The following ACCSL variants were observed in gnomAD, a reference collection of about 807,000 sequenced individuals.
ACCSL encodes probable inactive 1-aminocyclopropane-1-carboxylate synthase-like protein 2.
ACCSL carries 55 observed loss-of-function variants against 61.7 expected under a neutral mutation model. That is an observed-to-expected ratio of 0.89 (90% CI 0.72 to 1.12). The LOEUF is 1.12. ACCSL is among the 50% of genes most tolerant of loss of function. The pLI is 0.00. For missense variants in ACCSL, 632 were observed against 698.0 expected (o/e 0.91, Z 1.07); for synonymous variants, 258 against 264.3 (o/e 0.98, Z 0.23).
the ACCSL span, among the ~76,000 whole-genome samples, chr11:43,930,987 G>A: frequency 6.6e-6 from 1 of 152,180 alleles, no homozygotes; most frequent in African/African-American, 2.4e-5. Context: ...GCCACACTCC[G>A]TGGTCTGAAA....
the ACCSL span, among the ~76,000 whole-genome samples, chr11:44,039,905 C>T: frequency 4.6e-5 from 7 of 152,234 alleles, no homozygotes; most frequent in East Asian, 3.9e-4. Context: ...TAGTCATGGG[C>T]GGTTCCACCT....
At chr11:43,936,434 C>T in the ACCSL span, among the ~76,000 whole-genome samples, 1 of 152,146 alleles carries the variant, frequency 6.6e-6, no homozygotes, top group Non-Finnish European at 1.5e-5. Flanking sequence ...ATGCCGGGTA[C>T]TGTGCTAGGC....
chr11:43,993,665 GAAC>G, the ACCSL span, among the ~76,000 whole-genome samples: 8,031 of 152,174 alleles, frequency 0.053, 447 homozygotes, highest in East Asian at 0.32. Context: ...CACTCAGCCA[GAAC>G]AACGAGCATC....
At chr11:43,957,908 C>T in the ACCSL span, among the ~76,000 whole-genome samples, 6 of 152,126 alleles carry the variant, frequency 3.9e-5, no homozygotes, top group East Asian at 1.9e-4. Context: ...CTTGGTCAAG[C>T]GGGGGGTCCA....
intron 11 of ACCSL, among the ~76,000 whole-genome samples, chr11:44,057,475 C>T (rs192550874): frequency 2.6e-5 from 4 of 152,180 alleles, no homozygotes; most frequent in East Asian, 1.9e-4. Flanking sequence ...CTTGGATGGA[C>T]GTGGGAGTTT....
At chr11:43,991,288 T>C in the ACCSL span, among the ~76,000 whole-genome samples, 3 of 152,196 alleles carry the variant, frequency 2.0e-5, no homozygotes, top group Non-Finnish European at 4.4e-5. Flanking sequence ...AACTTCCTAA[T>C]CTCTTGCAGC....
chr11:44,008,774 ACTGC>A, the ACCSL span, among the ~76,000 whole-genome samples: 4 of 152,264 alleles, frequency 2.6e-5, no homozygotes, highest in Admixed American at 6.5e-5. Context: ...AGGGCCAGGC[ACTGC>A]CTGAGCACAT....
At chr11:43,962,824 G>A in the ACCSL span, among the ~76,000 whole-genome samples, 2 of 152,162 alleles carry the variant, frequency 1.3e-5, no homozygotes, top group African/African-American at 4.8e-5. Flanking sequence ...CAGAGAAACC[G>A]TAAAAGCCTG....
chr11:43,972,605 C>T, the ACCSL span, among the ~76,000 whole-genome samples: 1 of 152,198 alleles, frequency 6.6e-6, no homozygotes, highest in Non-Finnish European at 1.5e-5. Context: ...TCCCGGAAGG[C>T]TGGACCTGCC....
At chr11:43,978,719 C>T in the ACCSL span, among the ~76,000 whole-genome samples, 1 of 147,752 alleles carries the variant, frequency 6.8e-6, no homozygotes, top group Non-Finnish European at 1.5e-5. Context: ...GATGGAACAT[C>T]TCATCTGCTT....
At chr11:44,015,493 C>T in the ACCSL span, among the ~76,000 whole-genome samples, 1 of 151,894 alleles carries the variant, frequency 6.6e-6, no homozygotes, top group Admixed American at 6.6e-5. Flanking sequence ...TCATATAGAC[C>T]TCTGAGTCCT....
chr11:43,928,678 C>T, the ACCSL span, among the ~76,000 whole-genome samples: 2 of 152,150 alleles, frequency 1.3e-5, no homozygotes, highest in African/African-American at 2.4e-5. Flanking sequence ...AGCTGGGCAG[C>T]GGGCACTCTC....
At chr11:43,929,990 T>C in the ACCSL span, among the ~76,000 whole-genome samples, 1 of 152,132 alleles carries the variant, frequency 6.6e-6, no homozygotes, top group Non-Finnish European at 1.5e-5. Context: ...GAGAGGGACC[T>C]CAATCTGAGC....
chr11:44,055,348 G>T, intron 9 of ACCSL, 57 bp downstream of exon 9: 1 of 1,440,498 alleles, frequency 6.9e-7, no homozygotes, highest in Admixed American at 1.7e-5. Flanking sequence ...TGTTTTGCAG[G>T]GTGAGTTTAT....
At chr11:44,007,046 G>A in the ACCSL span, among the ~76,000 whole-genome samples, 4 of 152,038 alleles carry the variant, frequency 2.6e-5, no homozygotes, top group African/African-American at 9.7e-5. Context: ...CACTACCCCC[G>A]GGGGCCAAAA....
the ACCSL span, among the ~76,000 whole-genome samples, chr11:43,978,166 C>T: frequency 6.6e-6 from 1 of 151,910 alleles, no homozygotes; most frequent in Non-Finnish European, 1.5e-5. Flanking sequence ...TCTGCCACCA[C>T]GCCCAACTAA....
the ACCSL span, among the ~76,000 whole-genome samples, chr11:43,967,484 T>C: frequency 2.6e-5 from 4 of 152,084 alleles, 1 homozygote; most frequent in South Asian, 8.3e-4. Context: ...CGGCCTCAGT[T>C]CTTCCAGTTC....
At chr11:44,005,246 C>T in the ACCSL span, among the ~76,000 whole-genome samples, 2 of 152,180 alleles carry the variant, frequency 1.3e-5, no homozygotes, top group African/African-American at 2.4e-5. Flanking sequence ...CTGATTGTCC[C>T]ATTCAGCACC....
At chr11:44,034,663 T>C in the ACCSL span, among the ~76,000 whole-genome samples, 1 of 152,066 alleles carries the variant, frequency 6.6e-6, no homozygotes, top group African/African-American at 2.4e-5. Flanking sequence ...GAAAGACCCA[T>C]CCCCATGATT....
Sources: gnomAD v4.1 joint callset for allele counts (sites outside exome capture counted in the v4.1 genomes callset) on GRCh38, gnomAD v4.1.1 for gene constraint, MANE v1.5 for transcripts, NCBI Gene and HGNC (gene_info 2026-07-23, HGNC 2026-07-21) for gene names.